CPM: variants seen among roughly 807,000 people sequenced by gnomAD.
CPM encodes renal carboxypeptidase.
A neutral mutation model predicts 46.4 loss-of-function variants in CPM; 35 were observed. The ratio of observed to expected loss-of-function variants is 0.75; its 90% CI spans 0.58 to 1.00. CPM has a LOEUF of 1.00. CPM is among the 50% of genes least tolerant of loss of function. CPM has a pLI of 0.00. For synonymous variants in CPM, 195 were observed against 195.3 expected (o/e 1.00, Z 0.01); for missense variants, 422 against 530.4 (o/e 0.80, Z 2.01).
intron 1 of CPM, among the ~76,000 whole-genome samples, chr12:68,958,596 C>T (rs752444764): frequency 3.3e-5 from 5 of 152,150 alleles, no homozygotes; most frequent in Non-Finnish European, 7.4e-5. Flanking sequence ...TGTGACACCT[C>T]CACTGCTGCC....
chr12:68,943,460 A>C (rs1354731978), intron 1 of CPM, among the ~76,000 whole-genome samples: 3 of 152,160 alleles, frequency 2.0e-5, no homozygotes, highest in Admixed American at 6.5e-5. Context: ...ATATGTTTAT[A>C]TTTATCTTAT....
intron 1 of CPM, among the ~76,000 whole-genome samples, chr12:68,951,421 A>G (rs1888933198): frequency 6.6e-6 from 1 of 152,140 alleles, no homozygotes; most frequent in South Asian, 2.1e-4. Context: ...TCCTACAAGG[A>G]AAAGAAGGAG....
chr12:68,845,231 T>TA (rs1565754850), intron 5 of CPM: 1 of 216,890 alleles, frequency 4.6e-6, no homozygotes, highest in African/African-American at 2.3e-5. Context: ...TTCTTCAGCT[T>TA]AAAAAATTGT....
chr12:68,937,317 A>C (rs1888688224), upstream of CPM, among the ~76,000 whole-genome samples: 1 of 152,234 alleles, frequency 6.6e-6, no homozygotes, highest in Admixed American at 6.5e-5. Flanking sequence ...GTGGTTCTCA[A>C]CTTGAGGCAG....
intron 2 of CPM, among the ~76,000 whole-genome samples, chr12:68,924,433 T>C (rs553554874): frequency 1.3e-5 from 2 of 151,424 alleles, no homozygotes; most frequent in East Asian, 1.9e-4. Context: ...TGAGCCGACA[T>C]TGTGACACTG....
chr12:68,897,351 A>G (rs1275791343), intron 2 of CPM, among the ~76,000 whole-genome samples: 2 of 151,444 alleles, frequency 1.3e-5, no homozygotes, highest in East Asian at 3.9e-4. Context: ...GGGACCTCAT[A>G]CTATAAAAAG....
chr12:68,927,858 T>G (rs528008349), intron 2 of CPM, among the ~76,000 whole-genome samples: 4 of 152,088 alleles, frequency 2.6e-5, no homozygotes, highest in East Asian at 3.9e-4. Context: ...CACTGCTCAA[T>G]GAAATAAAAG....
intron 2 of CPM, among the ~76,000 whole-genome samples, chr12:68,909,205 G>C (rs917674076): frequency 3.3e-5 from 5 of 152,114 alleles, no homozygotes; most frequent in African/African-American, 1.2e-4. Flanking sequence ...ATCATGCCTG[G>C]CTAGTTTTTA....
At chr12:68,911,200 T>C (rs1021679149) in intron 2 of CPM, among the ~76,000 whole-genome samples, 1 of 152,230 alleles carries the variant, frequency 6.6e-6, no homozygotes, top group African/African-American at 2.4e-5. Flanking sequence ...GGTTTCCTAA[T>C]CTGGACCTCA....
intron 5 of CPM, chr12:68,842,628 G>A (rs1883878032): frequency 7.0e-6 from 2 of 284,748 alleles, no homozygotes; most frequent in Non-Finnish European, 1.4e-5. Flanking sequence ...AAATAGTTAC[G>A]CTATTTGGTT....
In CPM at chr12:68,870,260, C is replaced by A. The variant is rs1449280321; in HGVS notation, c.571G>T (p.Gly191Cys). ...ETFVLSANLH[G>C]GALVASYPFD... The stretch of plus-strand genomic sequence containing the variant: ...GGGTAACTGGCCACGAGGGCACCAC[C>A]ATGGAGGTTTGCAGAGAGGACAAAC... The change falls in exon 5 of 9, where the codon GGT becomes TGT. Residue 191 changes from glycine (G) to cysteine (C), a missense_variant. Coordinates refer to ENST00000551568, the MANE Select transcript of CPM (RefSeq NM_198320.5). 2 of 1,614,172 alleles carry A rather than the reference C, an allele frequency of 1.2e-6. No individual in the cohort carries two copies. Among genetic ancestry groups the A allele is most frequent in the Non-Finnish European group, 8.5e-7 (1 of 1,180,014 alleles).
intron 1 of CPM, among the ~76,000 whole-genome samples, chr12:68,961,654 T>C (rs137972696): frequency 0.03 from 4,513 of 152,064 alleles, 234 homozygotes; most frequent in African/African-American, 0.1. Flanking sequence ...TGGCTCGCAC[T>C]TGTAATCCCA....
At chr12:68,844,633 A>G (rs1288057909) in intron 5 of CPM, 1 of 226,920 alleles carries the variant, frequency 4.4e-6, no homozygotes, top group Non-Finnish European at 8.7e-6. Flanking sequence ...TGTGAGGCAC[A>G]AATGTAAGTA....
rs1885680644 is a variant in CPM at position 68,871,251 on chromosome 12, A to T, written c.431+533T>A. 2.6e-5 allele frequency among the ~76,000 whole-genome samples: 4 copies of T among 152,326 alleles called. No homozygotes were observed. The South Asian group carries it at 8.3e-4, about 32-fold the overall frequency. On this transcript the variant is annotated intron_variant, in intron 4 of 8. Transcript: ENST00000551568. ...CTGGGTGCTCTGCCAGGCACTGCGG[A>T]TCTAACAACGACAAACACAATGGAC...
intron 3 of CPM, among the ~76,000 whole-genome samples, chr12:68,880,015 G>A (rs543062090): frequency 4.6e-5 from 7 of 152,122 alleles, no homozygotes; most frequent in Middle Eastern, 3.4e-3. Flanking sequence ...GAGGGGACAA[G>A]GATCCTGTTC....
intron 1 of CPM, among the ~76,000 whole-genome samples, chr12:68,952,112 A>G (rs1009536853): frequency 1.3e-5 from 2 of 152,226 alleles, no homozygotes; most frequent in Non-Finnish European, 2.9e-5. Flanking sequence ...TAATAAGGGT[A>G]TATCCTCTTG....
intron 2 of CPM, among the ~76,000 whole-genome samples, chr12:68,898,593 T>C (rs1176546685): frequency 2.0e-5 from 3 of 152,208 alleles, no homozygotes; most frequent in East Asian, 1.9e-4. Flanking sequence ...ATCTCAAAAA[T>C]AGATCAGTAG....
chr12:68,935,112 G>A (rs576416783), upstream of CPM, among the ~76,000 whole-genome samples: 45 of 152,206 alleles, frequency 3.0e-4, no homozygotes, highest in African/African-American at 9.6e-4. Flanking sequence ...GTTTCACCAT[G>A]TTGGCCAGGC....
chr12:68,906,352 G>A (rs1441240560), intron 2 of CPM, among the ~76,000 whole-genome samples: 1 of 152,104 alleles, frequency 6.6e-6, no homozygotes, highest in African/African-American at 2.4e-5. Flanking sequence ...TACCTCAGCT[G>A]ACTCTAATTC....
Sources: gnomAD v4.1 joint callset for allele counts (sites outside exome capture counted in the v4.1 genomes callset) on GRCh38, gnomAD v4.1.1 for gene constraint, MANE v1.5 for transcripts, NCBI Gene and HGNC (gene_info 2026-07-23, HGNC 2026-07-21) for gene names.